The following MAP7 variants were observed in gnomAD, a reference collection of about 807,000 sequenced individuals.
MAP7 encodes microtubule associated protein 7.
MAP7 carries 52 observed loss-of-function variants against 94.8 expected under a neutral mutation model. That is an observed-to-expected ratio of 0.55 (90% CI 0.44 to 0.69). The LOEUF is 0.69. Among genes scored for constraint, MAP7 ranks in the 30% least tolerant of loss-of-function variants. The probability of loss-of-function intolerance (pLI) is 0.00; values close to 1 mark genes in which losing one functional copy is unlikely to be tolerated. For missense variants in MAP7, 940 were observed against 964.6 expected (o/e 0.97, Z 0.34); for synonymous variants, 350 against 357.0 (o/e 0.98, Z 0.22).
intron 7 of MAP7, among the ~76,000 whole-genome samples, chr6:136,374,430 T>C (rs1166149533): frequency 2.0e-5 from 3 of 152,180 alleles, no homozygotes; most frequent in Non-Finnish European, 4.4e-5. Context: ...TGGGGATTAA[T>C]AACCGGGGGC....
intron 1 of MAP7, among the ~76,000 whole-genome samples, chr6:136,473,522 CTGTT>C (rs1340654502): frequency 1.3e-5 from 2 of 152,190 alleles, no homozygotes; most frequent in Non-Finnish European, 2.9e-5. Context: ...ATTTTAGAAT[CTGTT>C]TGACATCTGA....
rs1454532937 is a variant in MAP7 at position 136,397,014 on chromosome 6, CT to C, written c.245-7498del. Among the ~76,000 whole-genome samples the C allele has an allele frequency of 3.9e-5, 6 of 152,248 alleles. No individual in the cohort carries two copies. The East Asian group carries it at 9.6e-4, about 24-fold the overall frequency. ...ATAATCTTTTAAAGGAAGAATATTT[CT>C]TTGTCTATCCAACTGTTATTGAATT... On this transcript the variant is annotated intron_variant, in intron 3 of 17. Coordinates refer to ENST00000354570, the MANE Select transcript of MAP7 (RefSeq NM_003980.6).
At chr6:136,433,305 A>G (rs1795478902) in intron 1 of MAP7, among the ~76,000 whole-genome samples, 1 of 152,236 alleles carries the variant, frequency 6.6e-6, no homozygotes. Flanking sequence ...GGAATTAGAT[A>G]TTCTAGATTC....
intron 6 of MAP7, among the ~76,000 whole-genome samples, chr6:136,379,944 G>A (rs1313703448): frequency 3.9e-5 from 6 of 152,282 alleles, no homozygotes; most frequent in South Asian, 2.1e-4. Flanking sequence ...GAGACAGAGC[G>A]TCCGTAAGAT....
At chr6:136,467,109 GCTAAA>G (rs1418942262) in intron 1 of MAP7, among the ~76,000 whole-genome samples, 1 of 152,182 alleles carries the variant, frequency 6.6e-6, no homozygotes, top group African/African-American at 2.4e-5. Flanking sequence ...AGAAATGGTT[GCTAAA>G]CATCAGCTCG....
intron 8 of MAP7, among the ~76,000 whole-genome samples, chr6:136,369,950 C>T (rs546451658): frequency 2.7e-4 from 41 of 152,248 alleles, no homozygotes; most frequent in African/African-American, 8.9e-4. Context: ...AACTTAAACA[C>T]TTCTATATAT....
chr6:136,427,623 G>T (rs562732063), intron 1 of MAP7, among the ~76,000 whole-genome samples: 4 of 152,254 alleles, frequency 2.6e-5, no homozygotes, highest in African/African-American at 9.6e-5. Flanking sequence ...CTCAATTCTT[G>T]TTGACAAAAC....
chr6:136,414,835 G>C (rs1465098759), intron 2 of MAP7, among the ~76,000 whole-genome samples: 1 of 142,352 alleles, frequency 7.0e-6, no homozygotes, highest in Non-Finnish European at 1.5e-5. Context: ...TTTTGAGACA[G>C]AGTTTCCTTG....
At position 136,550,147 on chromosome 6, in the gene MAP7, C is replaced by A. The variant is rs1180489876; in HGVS notation, c.67+195G>T. On this transcript the variant is annotated intron_variant, in intron 1 of 17. Transcript: ENST00000354570. This position sits in a 1 kb window ranked among gnomAD's most constrained non-coding sequence, Gnocchi z 5.1. ...CCGGCCGGGGCCGAGCCGGGCTGGC[C>A]GAGCCGCGGCGGCGAAGGGCGGGGG... 2.7e-5 allele frequency among the ~76,000 whole-genome samples: 4 copies of A among 150,736 alleles called. No individual in the cohort carries two copies. Among genetic ancestry groups the A allele is most frequent in the Non-Finnish European group, 5.9e-5 (4 of 67,552 alleles).
chr6:136,467,143 CA>C (rs373334935), intron 1 of MAP7, among the ~76,000 whole-genome samples: 196 of 152,272 alleles, frequency 1.3e-3, no homozygotes, highest in African/African-American at 4.5e-3. Context: ...GATTCAAACT[CA>C]GAGGCCCCAA....
intron 3 of MAP7, among the ~76,000 whole-genome samples, chr6:136,393,227 C>CTCCCATCAAGTG (rs1160714976): frequency 6.6e-6 from 1 of 152,102 alleles, no homozygotes. Flanking sequence ...CTTAATGCAC[C>CTCCCATCAAGTG]TCCCATCAAA....
chr6:136,406,345 G>C (rs548798756), intron 3 of MAP7, among the ~76,000 whole-genome samples: 1 of 152,238 alleles, frequency 6.6e-6, no homozygotes, highest in East Asian at 1.9e-4. Context: ...ATACATCTAT[G>C]AGGAAGGAGA....
At chr6:136,397,680 G>A (rs1054380612) in intron 3 of MAP7, among the ~76,000 whole-genome samples, 1 of 152,182 alleles carries the variant, frequency 6.6e-6, no homozygotes, top group Non-Finnish European at 1.5e-5. Context: ...AAGCCAGGAA[G>A]AGAGCCCTCA....
At chr6:136,483,488 C>T (rs1465751178) in intron 1 of MAP7, among the ~76,000 whole-genome samples, 1 of 151,996 alleles carries the variant, frequency 6.6e-6, no homozygotes, top group Non-Finnish European at 1.5e-5. Flanking sequence ...AACAAACCTG[C>T]ACATGTACCC....
chr6:136,446,499 T>A (rs1401851407), intron 1 of MAP7, among the ~76,000 whole-genome samples: 6 of 152,216 alleles, frequency 3.9e-5, no homozygotes, highest in Non-Finnish European at 4.4e-5. Context: ...CATCACTCAT[T>A]AAATCATTTG....
intron 1 of MAP7, among the ~76,000 whole-genome samples, chr6:136,437,684 A>C (rs1409489052): frequency 6.6e-6 from 1 of 152,082 alleles, no homozygotes; most frequent in East Asian, 1.9e-4. Flanking sequence ...CTGACAATAC[A>C]TTTTAGTTTC....
chr6:136,395,950 T>C (rs1782344856), intron 3 of MAP7, among the ~76,000 whole-genome samples: 1 of 152,188 alleles, frequency 6.6e-6, no homozygotes, highest in Admixed American at 6.5e-5. Flanking sequence ...GCTGTTTTGG[T>C]TACTATAGTT....
At position 136,537,788 on chromosome 6, in the gene MAP7, A is replaced by ATT. The variant is rs59705938; in HGVS notation, c.67+12552_67+12553dup. On this transcript the variant is annotated intron_variant, in intron 1 of 17. Coordinates refer to ENST00000354570, the MANE Select transcript of MAP7 (RefSeq NM_003980.6). ...TATTTTCAGATTTACGAAGTTATGA[A>ATT]TTTTTTTTTTTTTTTTGAGATGGAG... Among the ~76,000 whole-genome samples the ATT allele has an allele frequency of 6.5e-4, 94 of 144,774 alleles. 1 individual carries two copies. The highest frequency in any genetic ancestry group is 2.1e-3 in the African/African-American group (84 of 39,428). 95.0% of individuals were successfully genotyped at this position (144,774 alleles called of 152,430 possible).
intron 1 of MAP7, among the ~76,000 whole-genome samples, chr6:136,512,900 C>T (rs1382579379): frequency 5.3e-5 from 8 of 151,716 alleles, no homozygotes. Context: ...AGCACAACCA[C>T]AGGTCACTGC....
Sources: gnomAD v4.1 joint callset for allele counts (sites outside exome capture counted in the v4.1 genomes callset) on GRCh38, gnomAD v4.1.1 for gene constraint, Gnocchi (gnomAD v3.1) non-coding constraint, MANE v1.5 for transcripts, NCBI Gene and HGNC (gene_info 2026-07-23, HGNC 2026-07-21) for gene names.